The following LRP2 variants were observed in gnomAD, a reference collection of about 807,000 sequenced individuals.
The protein encoded by LRP2 is LDL receptor related protein 2.
In LRP2, 172 loss-of-function variants were observed where a neutral mutation model predicts 531.0. The ratio of observed to expected loss-of-function variants is 0.32; its 90% CI spans 0.29 to 0.37. LRP2 has a LOEUF of 0.37. Among genes scored for constraint, LRP2 ranks in the 10% least tolerant of loss-of-function variants. The pLI is 1.00. For missense variants in LRP2, 5,167 were observed against 5,868.3 expected (o/e 0.88, Z 3.90); for synonymous variants, 1,992 against 2,027.6 (o/e 0.98, Z 0.47).
rs1051997960 is a variant in LRP2 at position 169,336,052 on chromosome 2, A to T, written c.80-15168T>A. On this transcript the variant is annotated intron_variant, in intron 1 of 78. Coordinates refer to ENST00000649046, the MANE Select transcript of LRP2 (RefSeq NM_004525.3). ...AAAACAAGCATTAAAAGTATTCACT[A>T]TCCTAATTCTCTAAACTTTCTCTTA... is the stretch of plus-strand genomic sequence containing the variant. Among the ~76,000 whole-genome samples, 5 of 151,994 alleles carry T rather than the reference A, an allele frequency of 3.3e-5. 1 individual carries two copies. The highest frequency in any genetic ancestry group is 9.7e-5 in the African/African-American group (4 of 41,390).
intron 55 of LRP2, 111 bp downstream of exon 55, chr2:169,175,082 G>C (rs1387225149): frequency 2.0e-6 from 2 of 1,012,232 alleles, no homozygotes; most frequent in Non-Finnish European, 3.1e-6. Flanking sequence ...TTTCCTTCTA[G>C]GACTTTGAAC....
chr2:169,278,716 T>G (rs1683621606), intron 12 of LRP2, among the ~76,000 whole-genome samples: 1 of 152,218 alleles, frequency 6.6e-6, no homozygotes, highest in Non-Finnish European at 1.5e-5. Context: ...TCACAAAGAC[T>G]AAAATAGCCT....
At chr2:169,151,109 T>G (rs779197670) in intron 67 of LRP2, 83 bp from the exon 68 acceptor site, 20 of 1,468,738 alleles carry the variant, frequency 1.4e-5, no homozygotes, top group Non-Finnish European at 1.9e-5. Flanking sequence ...TGAGAGCATT[T>G]CGTTTGGCTG....
Position 169,206,734 on chromosome 2 carries a change from A to C in LRP2, c.6986T>G (p.Phe2329Cys). The change falls in exon 39 of 79, where the codon TTT becomes TGT. Residue 2329 changes from phenylalanine to cysteine, a missense_variant. This residue lies in a region of LRP2 where 2,811 missense variants were observed against 3,058.0 expected (regional missense o/e 0.92). Transcript: ENST00000649046. ...NINWLRDVTI[F>C]DKQVQPRSPA... ...TGACCGGGGCTGGACTTGCTTGTCA[A>C]AGATGGTCACATCTCTTAGCCAGTT... 1 of 1,614,148 alleles carries C rather than the reference A, an allele frequency of 6.2e-7. No homozygotes were observed. Among genetic ancestry groups the C allele is most frequent in the Non-Finnish European group, 8.5e-7 (1 of 1,180,018 alleles).
Position 169,152,984 on chromosome 2 carries a change from G to A in LRP2, c.12296-20C>T. ...CAACACCTACAGAGGAAGACACACAGGTCAGTTTCATGTCAAGAGCATCAA... is the reference window on the plus strand; with the variant it reads ...CAACACCTACAGAGGAAGACACACAAGTCAGTTTCATGTCAAGAGCATCAA... On this transcript the variant is annotated intron_variant, in intron 66 of 78. Coordinates refer to ENST00000649046, the MANE Select transcript of LRP2 (RefSeq NM_004525.3). 1 of 1,612,664 alleles carries A rather than the reference G, an allele frequency of 6.2e-7. No individual in the cohort carries two copies. The highest frequency in any genetic ancestry group is 8.5e-7 in the Non-Finnish European group (1 of 1,179,418).
chr2:169,294,081 C>A, intron 6 of LRP2, 67 bp downstream of exon 6: 1 of 1,172,016 alleles, frequency 8.5e-7, no homozygotes, highest in East Asian at 2.4e-5. Context: ...GGGGATAAAA[C>A]AAAACAAAAC....
chr2:169,257,050 A>C, intron 18 of LRP2, 74 bp downstream of exon 18: 1 of 1,578,590 alleles, frequency 6.3e-7, no homozygotes, highest in Non-Finnish European at 8.7e-7. Context: ...ACACCATCAT[A>C]TCACCCAACC....
intron 70 of LRP2, among the ~76,000 whole-genome samples, chr2:169,143,493 A>C (rs920501079): frequency 1.6e-4 from 25 of 152,084 alleles, no homozygotes; most frequent in Non-Finnish European, 2.9e-4. Context: ...ATACAAAAAA[A>C]AAATTAGCTG....
chr2:169,232,226 G>A (rs1174776769), intron 30 of LRP2, among the ~76,000 whole-genome samples: 2 of 151,100 alleles, frequency 1.3e-5, no homozygotes, highest in Non-Finnish European at 2.9e-5. Flanking sequence ...AAAAAAAGTT[G>A]TGTGTTTGAT....
chr2:169,279,901 A>T (rs1218844445), intron 11 of LRP2, among the ~76,000 whole-genome samples: 1 of 152,236 alleles, frequency 6.6e-6, no homozygotes, highest in East Asian at 1.9e-4. Context: ...ACAGTGAAAC[A>T]AAATTTGGGC....
At position 169,257,285 on chromosome 2, in the gene LRP2, C is replaced by T. The variant is rs79647536; in HGVS notation, c.2514-36G>A. The T allele has an allele frequency of 2.5e-6, 4 of 1,605,160 alleles. No homozygotes were observed. In the South Asian group the frequency reaches 3.3e-5, roughly 13 times the overall value. On this transcript the variant is annotated intron_variant, in intron 17 of 78. Coordinates refer to ENST00000649046, the MANE Select transcript of LRP2 (RefSeq NM_004525.3). ...CAGTAGTAAATTAAGGCTGTTAACA[C>T]TGGGACAAACTACATGACTTCCAGA...
rs1182911689 is a variant in LRP2, at chr2:169,165,827, G to A, written c.11758+105C>T. ...TATGTCAGCAGAGATCTGCAGTCATGGGCACAACTCTATAGAACAAACTGA... is the reference window on the plus strand; with the variant it reads ...TATGTCAGCAGAGATCTGCAGTCATAGGCACAACTCTATAGAACAAACTGA... On this transcript the variant is annotated intron_variant, in intron 62 of 78. Transcript: ENST00000649046. 2.2e-6 allele frequency: 3 copies of A among 1,376,138 alleles called. No individual in the cohort carries two copies. The African/African-American group carries it at 4.3e-5, about 20-fold the overall frequency. 85.2% of individuals were successfully genotyped at this position (1,376,138 alleles called of 1,614,324 possible). A position where few individuals can be genotyped will look rare whatever the true frequency, so the allele number is the denominator to read the frequency against.
intron 52 of LRP2, among the ~76,000 whole-genome samples, chr2:169,180,854 A>C (rs1311519789): frequency 6.6e-6 from 1 of 152,154 alleles, no homozygotes; most frequent in African/African-American, 2.4e-5. Flanking sequence ...TTTGATTAAT[A>C]ATGTGTATCA....
intron 1 of LRP2, among the ~76,000 whole-genome samples, chr2:169,330,961 C>T (rs777497352): frequency 2.0e-5 from 3 of 152,172 alleles, no homozygotes; most frequent in Admixed American, 6.5e-5. Context: ...ATTGGGCAAT[C>T]TCACGCTGCA....
chr2:169,248,685 C>G (rs1355533568), intron 19 of LRP2, among the ~76,000 whole-genome samples: 1 of 124,016 alleles, frequency 8.1e-6, no homozygotes, highest in East Asian at 2.0e-4. Flanking sequence ...GCGTGAGCGA[C>G]GCAGAAGACG....
intron 14 of LRP2, among the ~76,000 whole-genome samples, chr2:169,274,374 CG>C (rs1683498246): frequency 6.6e-6 from 1 of 152,028 alleles, no homozygotes; most frequent in Non-Finnish European, 1.5e-5. Context: ...GCTTGAAGCC[CG>C]GAGTTCCAGA....
At chr2:169,300,640 T>C (rs892514461) in intron 4 of LRP2, among the ~76,000 whole-genome samples, 5 of 152,082 alleles carry the variant, frequency 3.3e-5, no homozygotes, top group African/African-American at 1.2e-4. Flanking sequence ...CCTTGTATGA[T>C]GGAAACTAAA....
chr2:169,285,689 C>T lies in LRP2; in HGVS notation c.1043-2688G>A, dbSNP rs75430719. On this transcript the variant is annotated intron_variant, in intron 9 of 78. Transcript: ENST00000649046. ...CCATGCTGAATGACCTCCCTGCCCT[C>T]ACTCTGCACCACGATGTCATTCTGT... Among the ~76,000 whole-genome samples the T allele has an allele frequency of 4.5e-3, 690 of 152,306 alleles. 5 individuals carry two copies. The highest frequency in any genetic ancestry group is 0.016 in the African/African-American group (659 of 41,552).
chr2:169,338,364 GAA>G (rs1553515988), intron 1 of LRP2, among the ~76,000 whole-genome samples: 1 of 82,780 alleles, frequency 1.2e-5, no homozygotes, highest in Non-Finnish European at 2.4e-5. Flanking sequence ...AAGAAGGAAA[GAA>G]AGAAAGAAAG....
Sources: allele counts gnomAD v4.1 joint callset (sites outside exome capture counted in the v4.1 genomes callset), GRCh38; gene constraint gnomAD v4.1.1; regional missense constraint gnomAD v4.1.1; transcripts MANE v1.5; gene names NCBI Gene and HGNC (gene_info 2026-07-23, HGNC 2026-07-21).